IL2RB: variants seen among roughly 807,000 people sequenced by gnomAD.
IL2RB encodes interleukin 2 receptor subunit beta, also known as interleukin-2 receptor subunit beta.
In IL2RB, 17 loss-of-function variants were observed where a neutral mutation model predicts 44.2. That is an observed-to-expected ratio of 0.38 (90% CI 0.26 to 0.58). The LOEUF (loss-of-function observed/expected upper bound fraction) is 0.58, where lower values mean the gene tolerates loss of function less well. IL2RB is among the 20% of genes least tolerant of loss of function. The probability of loss-of-function intolerance (pLI) is 0.63; values close to 1 mark genes in which losing one functional copy is unlikely to be tolerated. For synonymous variants in IL2RB, 286 were observed against 297.9 expected (o/e 0.96, Z 0.41); for missense variants, 624 against 685.5 (o/e 0.91, Z 1.00).
At chr22:37,167,796 G>T (rs1269197621) in intron 1 of IL2RB, among the ~76,000 whole-genome samples, 1 of 152,254 alleles carries the variant, frequency 6.6e-6, no homozygotes, top group East Asian at 1.9e-4. Context: ...CAGGTGAAGT[G>T]CATGGAGTCC....
chr22:37,133,129 C>T (rs1161889667), intron 8 of IL2RB, among the ~76,000 whole-genome samples: 21 of 152,204 alleles, frequency 1.4e-4, no homozygotes, highest in Admixed American at 1.3e-3. Flanking sequence ...GCGCAGTGAG[C>T]GGCCTCTGAA....
intron 3 of IL2RB, 108 bp from the exon 4 acceptor site, chr22:37,142,620 G>C (rs761576462): frequency 2.6e-6 from 3 of 1,170,816 alleles, no homozygotes; most frequent in Non-Finnish European, 3.8e-6. Context: ...AGGCAGCAAG[G>C]CCAGGCTGGG....
chr22:37,148,887 T>G (rs187554484), intron 1 of IL2RB, among the ~76,000 whole-genome samples: 31 of 152,110 alleles, frequency 2.0e-4, no homozygotes, highest in Admixed American at 1.8e-3. Context: ...CGGGAGCCCA[T>G]GGTTCATCCA....
At chr22:37,147,695 T>TC (rs1234772543) in intron 1 of IL2RB, among the ~76,000 whole-genome samples, 3 of 152,206 alleles carry the variant, frequency 2.0e-5, no homozygotes, top group African/African-American at 7.2e-5. Flanking sequence ...ACCCTCTCTG[T>TC]CCTGGGAGTC....
At chr22:37,139,278 G>A in intron 4 of IL2RB, 56 bp from the exon 5 acceptor site, 1 of 1,238,206 alleles carries the variant, frequency 8.1e-7, no homozygotes, top group South Asian at 1.3e-5. Context: ...CAGGGGAAGG[G>A]GGAGGCCACC....
Position 37,149,891 on chromosome 22 carries a change from A to G in IL2RB, c.-100T>C. 4 of 985,628 alleles carry G rather than the reference A, an allele frequency of 4.1e-6. No homozygotes were observed. The highest frequency in any genetic ancestry group is 4.8e-6 in the Non-Finnish European group (4 of 830,174). The allele number at this position is 985,628 out of a possible 1,614,324, so 61.1% of individuals were successfully genotyped here. ...CCTCCCCGGTGCTGGGACCGTGGCCATCTCTCCAGGGCCCTGCTGAGCTCT... is the reference window on the plus strand; with the variant it reads ...CCTCCCCGGTGCTGGGACCGTGGCCGTCTCTCCAGGGCCCTGCTGAGCTCT... On this transcript the variant is annotated 5_prime_UTR_variant, in exon 1 of 10. It removes an upstream start codon present in the reference 5' UTR. Transcript: ENST00000216223.
At position 37,137,589 on chromosome 22, in the gene IL2RB, C is replaced by T. The variant is rs751581549; in HGVS notation, c.535G>A (p.Glu179Lys). 1.9e-6 allele frequency: 3 copies of T among 1,614,122 alleles called. No individual in the cohort carries two copies. The South Asian group carries it at 3.3e-5, about 18-fold the overall frequency. ...ARTLSPGHTW[E>K]EAPLLTLKQK... Reference sequence around the variant, plus strand: ...TACGGACTGGGCCACATTCTCACCTCCCAGGTGTGGCCTGGGGACAGCGTC... The same window carrying T: ...TACGGACTGGGCCACATTCTCACCTTCCAGGTGTGGCCTGGGGACAGCGTC... Residue 179 changes from glutamate to lysine, a missense_variant and splice_region_variant, in exon 6 of 10, where the codon GAG becomes AAG. Glu to Lys is a moderately conservative substitution (Grantham distance 56). Coordinates refer to ENST00000216223, the MANE Select transcript of IL2RB (RefSeq NM_000878.5).
chr22:37,158,744 A>G (rs1008566716), intron 1 of IL2RB, among the ~76,000 whole-genome samples: 5 of 152,216 alleles, frequency 3.3e-5, no homozygotes, highest in African/African-American at 1.2e-4. Context: ...GCGTGGGAGC[A>G]TGTCTGTGAA....
intron 1 of IL2RB, among the ~76,000 whole-genome samples, chr22:37,149,121 T>G (rs1922365898): frequency 6.6e-6 from 1 of 151,940 alleles, no homozygotes. Context: ...CAAACACAGT[T>G]AAGAGTGGGA....
At chr22:37,169,281 A>G (rs1923191394) in intron 1 of IL2RB, among the ~76,000 whole-genome samples, 1 of 143,322 alleles carries the variant, frequency 7.0e-6, no homozygotes, top group African/African-American at 2.8e-5. Context: ...TTGCTTACAG[A>G]TGGATTCTGT....
At position 37,128,216 on chromosome 22, in the gene IL2RB, G is replaced by A. The variant is rs773735774; in HGVS notation, c.1536C>T (p.Pro512=). Residue 512 remains proline, a synonymous_variant, in exon 10 of 10, where the codon CCC becomes CCT. Coordinates refer to ENST00000216223, the MANE Select transcript of IL2RB (RefSeq NM_000878.5). This position sits in a 1 kb window ranked among gnomAD's most constrained non-coding sequence, Gnocchi z 4.5. ...DAGPREGVSF[P]WSRPPGQGEF... Reference sequence around the variant, plus strand: ...CCCCCTGCCCAGGAGGCCTGGACCAGGGGAAACTGACTCCCTCCCTGGGGC... The same window carrying A: ...CCCCCTGCCCAGGAGGCCTGGACCAAGGGAAACTGACTCCCTCCCTGGGGC... 2 of 1,513,984 alleles carry A rather than the reference G, an allele frequency of 1.3e-6. No homozygotes were observed. The highest frequency in any genetic ancestry group is 1.4e-5 in the African/African-American group (1 of 71,512). 93.8% of individuals were successfully genotyped at this position (1,513,984 alleles called of 1,614,324 possible).
At chr22:37,146,208 C>A (rs572645061) in intron 1 of IL2RB, among the ~76,000 whole-genome samples, 1 of 152,290 alleles carries the variant, frequency 6.6e-6, no homozygotes, top group East Asian at 1.9e-4. Flanking sequence ...CAGCCTCGTG[C>A]CGTTCCAGCC....
chr22:37,135,006 C>T (rs1393928336), intron 8 of IL2RB, among the ~76,000 whole-genome samples: 3 of 152,294 alleles, frequency 2.0e-5, no homozygotes, highest in African/African-American at 7.2e-5. Context: ...GAGCAGTGTT[C>T]TGGACAGGGC....
rs367622513 is a variant in IL2RB, at chr22:37,137,749, G to A, written c.389-14C>T. 5 of 1,611,828 alleles carry A rather than the reference G, an allele frequency of 3.1e-6. No homozygotes were observed. The highest frequency in any genetic ancestry group is 2.2e-5 in the East Asian group (1 of 44,844). ...CCATCAGGCGAACTGGAGACAACAG[G>A]GGGTAGGGGAGAGCAGTCAGCCATG... On this transcript the variant is annotated splice_polypyrimidine_tract_variant and intron_variant, in intron 5 of 9. Transcript: ENST00000216223.
At position 37,127,416 on chromosome 22, in the gene IL2RB, G is replaced by A. The variant is rs1478483141; in HGVS notation, c.*680C>T. On this transcript the variant is annotated 3_prime_UTR_variant, in exon 10 of 10. Transcript: ENST00000216223. ...AGCAAAACCGGCACTTGAAGAGTCA[G>A]GGAAGTTTGTCACCTAGATGAGGGG... 1.3e-5 allele frequency: 2 copies of A among 152,298 alleles called. No individual in the cohort carries two copies. Among genetic ancestry groups the A allele is most frequent in the Non-Finnish European group, 2.9e-5 (2 of 68,098 alleles). The allele number at this position is 152,298 out of a possible 1,614,324, so 9.4% of individuals were successfully genotyped here.
intron 1 of IL2RB, among the ~76,000 whole-genome samples, chr22:37,172,385 G>A (rs568330929): frequency 2.6e-5 from 4 of 152,142 alleles, no homozygotes; most frequent in Non-Finnish European, 4.4e-5. Context: ...TCCTGGCTGC[G>A]GTCCTGCTTC....
intron 1 of IL2RB, among the ~76,000 whole-genome samples, chr22:37,162,898 C>A (rs946713359): frequency 1.3e-5 from 2 of 152,186 alleles, no homozygotes; most frequent in Non-Finnish European, 2.9e-5. Flanking sequence ...AACACCCACA[C>A]CCCAGCACCA....
Position 37,128,021 on chromosome 22 carries a change from G to A in IL2RB, c.*75C>T. On this transcript the variant is annotated 3_prime_UTR_variant, in exon 10 of 10. Coordinates refer to ENST00000216223, the MANE Select transcript of IL2RB (RefSeq NM_000878.5). The surrounding 1 kb of genome is among the most constrained non-coding windows in gnomAD (Gnocchi z 4.5). Reference sequence around the variant, plus strand: ...CACTGAGTGTCCTCAGCAGTGGACTGAGGACCCTCAACAGGGTCCTTCTGA... The same window carrying A: ...CACTGAGTGTCCTCAGCAGTGGACTAAGGACCCTCAACAGGGTCCTTCTGA... 7.9e-7 allele frequency: 1 copy of A among 1,273,750 alleles called. No individual in the cohort carries two copies. Among genetic ancestry groups the A allele is most frequent in the Non-Finnish European group, 1.0e-6 (1 of 961,974 alleles). 78.9% of individuals were successfully genotyped at this position (1,273,750 alleles called of 1,614,324 possible).
intron 1 of IL2RB, among the ~76,000 whole-genome samples, chr22:37,168,657 C>T (rs1052322192): frequency 5.9e-5 from 9 of 152,246 alleles, no homozygotes; most frequent in African/African-American, 1.9e-4. Flanking sequence ...CTGAGGAAGG[C>T]TGGGTTCTTC....
Sources: allele counts gnomAD v4.1 joint callset (sites outside exome capture counted in the v4.1 genomes callset), GRCh38; gene constraint gnomAD v4.1.1; non-coding constraint Gnocchi (gnomAD v3.1); transcripts MANE v1.5; gene names NCBI Gene and HGNC (gene_info 2026-07-23, HGNC 2026-07-21).